Variants in STK32B observed in about 807,000 individuals in gnomAD.
STK32B encodes serine/threonine kinase 32B.
Under a neutral mutation model 52.6 loss-of-function variants are expected in STK32B, and 43 were observed. That is an observed-to-expected ratio of 0.82 (90% CI 0.64 to 1.05). The LOEUF (loss-of-function observed/expected upper bound fraction) is 1.05, where lower values mean the gene tolerates loss of function less well. Ranked by LOEUF, STK32B falls within the 50% of genes least tolerant of loss-of-function variation. The pLI is 0.00. For synonymous variants in STK32B, 238 were observed against 204.3 expected, an observed-to-expected ratio of 1.17 and a Z score of -1.41; for missense variants, 621 against 534.6, an observed-to-expected ratio of 1.16 and a Z score of -1.59.
At chr4:5,247,365 T>C (rs1322416928) in intron 3 of STK32B, among the ~76,000 whole-genome samples, 1 of 152,212 alleles carries the variant, frequency 6.6e-6, no homozygotes, top group African/African-American at 2.4e-5. Flanking sequence ...CGTAGGACCC[T>C]CTGAGCCATG....
At chr4:5,090,043 C>T (rs1406995453) in intron 1 of STK32B, among the ~76,000 whole-genome samples, 3 of 152,034 alleles carry the variant, frequency 2.0e-5, no homozygotes, top group South Asian at 2.1e-4. Flanking sequence ...ATGTCTTTTG[C>T]CCACTTTTTG....
chr4:5,281,400 A>G (rs1189682138), intron 3 of STK32B, among the ~76,000 whole-genome samples: 1 of 152,114 alleles, frequency 6.6e-6, no homozygotes, highest in African/African-American at 2.4e-5. Context: ...ATGAGAACAC[A>G]TGGACAAAGG....
At chr4:5,251,531 T>C (rs777147495) in intron 3 of STK32B, among the ~76,000 whole-genome samples, 10 of 152,210 alleles carry the variant, frequency 6.6e-5, no homozygotes, top group Non-Finnish European at 1.5e-4. Flanking sequence ...CCAGTTTTGT[T>C]CTTTTTGCTT....
At chr4:5,458,384 G>A (rs375991179) in intron 8 of STK32B, among the ~76,000 whole-genome samples, 4 of 152,142 alleles carry the variant, frequency 2.6e-5, no homozygotes, top group Admixed American at 6.5e-5. Flanking sequence ...TGGGCCATAC[G>A]ATGGCTCTTC....
chr4:5,151,980 C>G (rs1444377891), intron 2 of STK32B, among the ~76,000 whole-genome samples: 1 of 152,220 alleles, frequency 6.6e-6, no homozygotes, highest in African/African-American at 2.4e-5. Flanking sequence ...GTGCCAGCCA[C>G]ATGGACCATA....
chr4:5,438,477 T>A (rs1262846470), intron 6 of STK32B, among the ~76,000 whole-genome samples: 2 of 152,242 alleles, frequency 1.3e-5, no homozygotes, highest in Non-Finnish European at 2.9e-5. Context: ...GACTGATCGT[T>A]CATGAGGCTG....
At chr4:5,153,385 T>C (rs1451884038) in intron 2 of STK32B, among the ~76,000 whole-genome samples, 1 of 152,078 alleles carries the variant, frequency 6.6e-6, no homozygotes, top group Non-Finnish European at 1.5e-5. Context: ...TAATGGACTT[T>C]AGGTTCTTAT....
intron 3 of STK32B, among the ~76,000 whole-genome samples, chr4:5,229,528 T>C (rs1724107426): frequency 6.6e-6 from 1 of 152,204 alleles, no homozygotes; most frequent in East Asian, 1.9e-4. Context: ...CTCCCTGATA[T>C]GTCAGTTTCA....
At chr4:5,302,888 A>G (rs1021420747) in intron 3 of STK32B, among the ~76,000 whole-genome samples, 1 of 152,088 alleles carries the variant, frequency 6.6e-6, no homozygotes, top group Non-Finnish European at 1.5e-5. Flanking sequence ...TTCACTTAGA[A>G]TAATGGTCTC....
At chr4:5,495,986 A>G (rs926574915) in intron 11 of STK32B, among the ~76,000 whole-genome samples, 13 of 151,058 alleles carry the variant, frequency 8.6e-5, no homozygotes, top group East Asian at 1.9e-4. Context: ...GTCTGCCCCT[A>G]CTGGGGGGTG....
At chr4:5,121,265 C>T (rs965978710) in intron 1 of STK32B, among the ~76,000 whole-genome samples, 5 of 152,160 alleles carry the variant, frequency 3.3e-5, no homozygotes, top group African/African-American at 4.8e-5. Flanking sequence ...CTTTCTATGG[C>T]TGAGTAGTAT....
In STK32B at chr4:5,168,519, C is replaced by T. The variant is rs1719072223; in HGVS notation, c.260+69C>T. 2.7e-6 allele frequency: 4 copies of T among 1,502,314 alleles called. No homozygotes were observed. In the African/African-American group the frequency reaches 4.2e-5, roughly 16 times the overall value. 93.1% of individuals were successfully genotyped at this position (1,502,314 alleles called of 1,614,324 possible). ...GGAGCCAAATGCAAATTCGCCTCTG[C>T]TAGAGGGACTCTTCCGCATTGTAAA... On this transcript the variant is annotated intron_variant, in intron 3 of 11. Coordinates refer to ENST00000282908, the MANE Select transcript of STK32B (RefSeq NM_018401.3).
intron 6 of STK32B, among the ~76,000 whole-genome samples, chr4:5,428,387 A>G (rs948852091): frequency 2.0e-5 from 3 of 152,156 alleles, no homozygotes; most frequent in South Asian, 2.1e-4. Context: ...TAGCCTGGGC[A>G]ACAAAGTGAG....
intron 3 of STK32B, among the ~76,000 whole-genome samples, chr4:5,315,013 ACT>A (rs1215156375): frequency 2.6e-5 from 4 of 152,094 alleles, no homozygotes; most frequent in East Asian, 1.9e-4. Flanking sequence ...TCGGCAGAAG[ACT>A]CTGTGAAGAG....
chr4:5,466,154 AG>A (rs754062672), intron 9 of STK32B, among the ~76,000 whole-genome samples: 1 of 152,168 alleles, frequency 6.6e-6, no homozygotes, highest in Non-Finnish European at 1.5e-5. Context: ...CCCAGAAGTC[AG>A]GGAGACCTAA....
In STK32B at chr4:5,328,261, T is replaced by C. The variant is rs115042973; in HGVS notation, c.261-2959T>C. Among the ~76,000 whole-genome samples, 1,325 of 152,352 alleles carry C rather than the reference T, an allele frequency of 8.7e-3. 15 individuals are homozygous for C. Among genetic ancestry groups the C allele is most frequent in the African/African-American group, 0.031 (1,275 of 41,580 alleles). On this transcript the variant is annotated intron_variant, in intron 3 of 11. Coordinates refer to ENST00000282908, the MANE Select transcript of STK32B (RefSeq NM_018401.3). Reference sequence around the variant, plus strand: ...TTACATGCGTTCATTGGAGTAGCAATTTTTATTTCCTTTGCATTTATAACT... The same window carrying C: ...TTACATGCGTTCATTGGAGTAGCAACTTTTATTTCCTTTGCATTTATAACT...
intron 3 of STK32B, among the ~76,000 whole-genome samples, chr4:5,286,125 A>G (rs954168724): frequency 6.6e-6 from 1 of 152,148 alleles, no homozygotes; most frequent in Non-Finnish European, 1.5e-5. Flanking sequence ...CTCCAGAACT[A>G]TGAGAAAATA....
At chr4:5,387,342 G>A (rs566679660) in intron 4 of STK32B, among the ~76,000 whole-genome samples, 1 of 152,284 alleles carries the variant, frequency 6.6e-6, no homozygotes, top group Non-Finnish European at 1.5e-5. Flanking sequence ...GCCCTGATTC[G>A]ATGGAACTCA....
At chr4:5,421,999 G>T (rs1013833579) in intron 6 of STK32B, among the ~76,000 whole-genome samples, 1 of 152,150 alleles carries the variant, frequency 6.6e-6, no homozygotes, top group Non-Finnish European at 1.5e-5. Flanking sequence ...CTGAGCTCCT[G>T]AATTATAAAG....
Sources: allele counts gnomAD v4.1 joint callset (sites outside exome capture counted in the v4.1 genomes callset), GRCh38; gene constraint gnomAD v4.1.1; transcripts MANE v1.5; gene names NCBI Gene and HGNC (gene_info 2026-07-23, HGNC 2026-07-21).